Variants in ARB2A observed in about 807,000 individuals in gnomAD.
ARB2A encodes cotranscriptional regulator ARB2A.
the ARB2A span, among the ~76,000 whole-genome samples, chr5:94,048,308 C>G: frequency 6.6e-6 from 1 of 152,034 alleles, no homozygotes; most frequent in Non-Finnish European, 1.5e-5. Flanking sequence ...CCTCCTTGGC[C>G]TCCCAAAGTG....
At chr5:93,967,822 C>T in the ARB2A span, among the ~76,000 whole-genome samples, 6 of 152,188 alleles carry the variant, frequency 3.9e-5, no homozygotes, top group South Asian at 2.1e-4. Flanking sequence ...TGCCCAGCTC[C>T]GGCTCATTTA....
the ARB2A span, among the ~76,000 whole-genome samples, chr5:93,770,159 G>T: frequency 1.4e-4 from 21 of 152,124 alleles, no homozygotes; most frequent in Non-Finnish European, 2.9e-4. Flanking sequence ...CAAGGCTTTA[G>T]TCTCAATAAA....
the ARB2A span, among the ~76,000 whole-genome samples, chr5:93,669,499 T>C: frequency 6.6e-6 from 1 of 152,200 alleles, no homozygotes; most frequent in African/African-American, 2.4e-5. Context: ...AAAAAAAGTA[T>C]AAAACAGAGT....
At chr5:93,995,163 CTGTAATAAATT>C in the ARB2A span, among the ~76,000 whole-genome samples, 2 of 152,104 alleles carry the variant, frequency 1.3e-5, no homozygotes, top group African/African-American at 2.4e-5. Context: ...TACTGCAGTA[CTGTAATAAATT>C]TGTAGCCACT....
At chr5:93,849,942 G>C in the ARB2A span, among the ~76,000 whole-genome samples, 1 of 152,158 alleles carries the variant, frequency 6.6e-6, no homozygotes, top group African/African-American at 2.4e-5. Context: ...CTCTGTATTT[G>C]ATATTGTGCA....
At chr5:93,764,796 T>C in the ARB2A span, among the ~76,000 whole-genome samples, 12 of 152,192 alleles carry the variant, frequency 7.9e-5, no homozygotes, top group African/African-American at 2.7e-4. Context: ...AAATCCTCAA[T>C]AAAATACTGG....
chr5:94,068,127 TTC>T, the ARB2A span, among the ~76,000 whole-genome samples: 1 of 152,300 alleles, frequency 6.6e-6, no homozygotes, highest in South Asian at 2.1e-4. Flanking sequence ...AAGCCTTTTG[TTC>T]TCTGACCTGG....
chr5:93,998,184 C>T, the ARB2A span, among the ~76,000 whole-genome samples: 1 of 151,990 alleles, frequency 6.6e-6, no homozygotes, highest in East Asian at 1.9e-4. Context: ...GACATAATAG[C>T]CAAACATGAT....
the ARB2A span, among the ~76,000 whole-genome samples, chr5:94,046,107 A>G: frequency 1.3e-5 from 2 of 152,224 alleles, no homozygotes; most frequent in African/African-American, 4.8e-5. Context: ...TAAACTGTGA[A>G]TGAAGAATAG....
the ARB2A span, among the ~76,000 whole-genome samples, chr5:93,855,039 T>A: frequency 6.6e-6 from 1 of 152,202 alleles, no homozygotes; most frequent in African/African-American, 2.4e-5. Flanking sequence ...TGTTGATATG[T>A]CTAATGTTGA....
At chr5:93,950,264 T>A in the ARB2A span, among the ~76,000 whole-genome samples, 3 of 152,124 alleles carry the variant, frequency 2.0e-5, no homozygotes, top group Non-Finnish European at 4.4e-5. Context: ...CACAAATCTA[T>A]TTTTTTCATT....
chr5:93,620,522 C>T, the ARB2A span: 1 of 152,136 alleles, frequency 6.6e-6, no homozygotes, highest in African/African-American at 2.4e-5. Context: ...AGGGAAAAAC[C>T]TAGTGAAAAT....
At chr5:93,634,882 C>G in the ARB2A span, among the ~76,000 whole-genome samples, 1 of 151,994 alleles carries the variant, frequency 6.6e-6, no homozygotes, top group Admixed American at 6.6e-5. Context: ...TCAAGTGTTT[C>G]TCCTGTATCA....
At chr5:94,049,629 A>C in the ARB2A span, among the ~76,000 whole-genome samples, 1 of 151,560 alleles carries the variant, frequency 6.6e-6, no homozygotes, top group African/African-American at 2.4e-5. Flanking sequence ...AGTACAAAAA[A>C]AAATTAGGTG....
chr5:93,964,312 A>C, the ARB2A span: 10 of 568,440 alleles, frequency 1.8e-5, no homozygotes, highest in Non-Finnish European at 3.2e-5. Flanking sequence ...TAAGCATTTA[A>C]AATTATCGCT....
chr5:93,643,288 C>T, the ARB2A span, among the ~76,000 whole-genome samples: 21 of 152,176 alleles, frequency 1.4e-4, no homozygotes, highest in African/African-American at 4.8e-4. Context: ...GGCCCCTCAG[C>T]CTACCAAAAG....
chr5:93,848,314 C>T, the ARB2A span, among the ~76,000 whole-genome samples: 3 of 150,814 alleles, frequency 2.0e-5, no homozygotes, highest in Admixed American at 2.0e-4. Flanking sequence ...ACCCGGGAGG[C>T]GGAGGTTGCA....
the ARB2A span, among the ~76,000 whole-genome samples, chr5:93,779,090 AGTGT>A: frequency 0.024 from 3,462 of 143,430 alleles, 120 homozygotes; most frequent in African/African-American, 0.078. Flanking sequence ...GTCATTTCAG[AGTGT>A]GTGTGTGTGT....
chr5:93,755,416 C>G, the ARB2A span, among the ~76,000 whole-genome samples: 1 of 152,156 alleles, frequency 6.6e-6, no homozygotes, highest in Non-Finnish European at 1.5e-5. Context: ...TGGATTGCAG[C>G]TCTGGATACA....
Sources: allele counts gnomAD v4.1 joint callset (sites outside exome capture counted in the v4.1 genomes callset), GRCh38; gene constraint gnomAD v4.1.1; transcripts MANE v1.5; gene names NCBI Gene and HGNC (gene_info 2026-07-23, HGNC 2026-07-21).